Variants in TBC1D15 observed in about 807,000 individuals in gnomAD.
The protein encoded by TBC1D15 is TBC1 domain family member 15, also known as GAP for RAB7.
A neutral mutation model predicts 95.4 loss-of-function variants in TBC1D15; 39 were observed. That is an observed-to-expected ratio of 0.41 (90% CI 0.32 to 0.53). The LOEUF is 0.53. TBC1D15 is among the 20% of genes least tolerant of loss of function. The probability of loss-of-function intolerance (pLI) is 0.29; values close to 1 mark genes in which losing one functional copy is unlikely to be tolerated. For synonymous variants in TBC1D15, 258 were observed against 261.3 expected (o/e 0.99, Z 0.12); for missense variants, 733 against 794.3 (o/e 0.92, Z 0.93).
At chr12:71,862,312 G>A (rs1890558449) in intron 1 of TBC1D15, among the ~76,000 whole-genome samples, 3 of 152,092 alleles carry the variant, frequency 2.0e-5, no homozygotes, top group Non-Finnish European at 1.5e-5. Context: ...TTGGAGTATA[G>A]CTATCCCTTT....
chr12:71,900,612 A>G (rs1899170344), intron 10 of TBC1D15, among the ~76,000 whole-genome samples: 1 of 152,168 alleles, frequency 6.6e-6, no homozygotes. Flanking sequence ...ATTATGTACT[A>G]GGCTCTCCTC....
intron 10 of TBC1D15, among the ~76,000 whole-genome samples, chr12:71,898,445 T>G: frequency 6.6e-6 from 1 of 152,178 alleles, no homozygotes; most frequent in South Asian, 2.1e-4. Context: ...GATATAAAAT[T>G]TAGTATTTGA....
chr12:71,843,546 AT>A (rs1885593771), intron 1 of TBC1D15, among the ~76,000 whole-genome samples: 1 of 152,012 alleles, frequency 6.6e-6, no homozygotes, highest in Admixed American at 6.6e-5. Context: ...TTATTTTTAA[AT>A]TTTTCTGGCA....
intron 1 of TBC1D15, among the ~76,000 whole-genome samples, chr12:71,844,498 C>A (rs1885834825): frequency 6.6e-6 from 1 of 152,198 alleles, no homozygotes. Flanking sequence ...TTATTTAGAT[C>A]TCAGTTTATA....
chr12:71,854,715 C>A lies in TBC1D15; in HGVS notation c.30+14904C>A, dbSNP rs1043719722. ...TTTGTATTAAAGTGTCTTTTTTCTTCCTTCTCATTGATAGTCTGTATAATC... is the reference window on the plus strand; with the variant it reads ...TTTGTATTAAAGTGTCTTTTTTCTTACTTCTCATTGATAGTCTGTATAATC... On this transcript the variant is annotated intron_variant, in intron 1 of 16. Transcript: ENST00000485960. 13 of 453,582 alleles carry A rather than the reference C, an allele frequency of 2.9e-5. No individual in the cohort carries two copies. The Admixed American group carries it at 3.1e-4, about 11-fold the overall frequency. The allele number at this position is 453,582 out of a possible 1,614,324, so 28.1% of individuals were successfully genotyped here.
chr12:71,886,434 T>C lies in TBC1D15; in HGVS notation c.554+1413T>C, dbSNP rs571147000. Among the ~76,000 whole-genome samples, 39 of 152,356 alleles carry C rather than the reference T, an allele frequency of 2.6e-4. 1 individual carries two copies. In the Middle Eastern group the frequency reaches 0.017, roughly 66 times the overall value. The stretch of plus-strand genomic sequence containing the variant: ...ATCTGCCTGCCTCGGCCTCCCGAAG[T>C]GCTAGGATTACAGGCTTGAGCCACT... On this transcript the variant is annotated intron_variant, in intron 5 of 16. Coordinates refer to ENST00000485960, the MANE Select transcript of TBC1D15 (RefSeq NM_001146213.3).
At chr12:71,884,364 G>A (rs1187197280) in intron 4 of TBC1D15, among the ~76,000 whole-genome samples, 3 of 152,130 alleles carry the variant, frequency 2.0e-5, no homozygotes, top group Non-Finnish European at 4.4e-5. Flanking sequence ...GCACTAGTTA[G>A]TTGAAAAGTA....
At chr12:71,917,822 A>G (rs1566079008) in intron 13 of TBC1D15, 25 bp downstream of exon 13, 3 of 1,478,396 alleles carry the variant, frequency 2.0e-6, no homozygotes, top group Non-Finnish European at 2.8e-6. Context: ...TCAGAACTAT[A>G]CCCAGCAAAT....
intron 10 of TBC1D15, among the ~76,000 whole-genome samples, chr12:71,905,321 CAGTTTGACTTTTTTTTCTTTTTG>C (rs1900422040): frequency 6.6e-6 from 1 of 151,998 alleles, no homozygotes; most frequent in Non-Finnish European, 1.5e-5. Flanking sequence ...GAGACAGAAG[CAGTTTGACTTTTTTTTCTTTTTG>C]AGTCGGGGTC....
rs763643670 is a variant in TBC1D15, at chr12:71,896,047, A to T, written c.956A>T (p.Asp319Val). The change falls in exon 8 of 17, where the codon GAT becomes GTT. Residue 319 changes from aspartate to valine, a missense_variant. Coordinates refer to ENST00000485960, the MANE Select transcript of TBC1D15 (RefSeq NM_001146213.3). ...TCTGAAGGAAGAATTTTAAATGTAG[A>T]TAATATGAAGCAGATGATATTTAGA... ...IDSEGRILNV[D>V]NMKQMIFRGG... 3 of 1,611,460 alleles carry T rather than the reference A, an allele frequency of 1.9e-6. No homozygotes were observed. In the Admixed American group the frequency reaches 5.0e-5, roughly 27 times the overall value.
intron 6 of TBC1D15, among the ~76,000 whole-genome samples, chr12:71,893,852 C>CATTT (rs989893761): frequency 6.6e-6 from 1 of 151,558 alleles, no homozygotes; most frequent in African/African-American, 2.4e-5. Context: ...ATGGTTTATT[C>CATTT]ATTTATTTAT....
At chr12:71,895,871 A>T in intron 7 of TBC1D15, 76 bp from the exon 8 acceptor site, 1 of 1,397,258 alleles carries the variant, frequency 7.2e-7, no homozygotes, top group Non-Finnish European at 9.7e-7. Context: ...ACAGTATTTT[A>T]AATTTAGTTT....
At position 71,923,607 on chromosome 12, in the gene TBC1D15, T is replaced by A. The variant is rs12305197; in HGVS notation, c.*403T>A. ...ATAGCATTCTAAGCTGAGAAGTAGA[T>A]TGTTACCCAGTAATGAAATAAAAAA... On this transcript the variant is annotated 3_prime_UTR_variant, in exon 17 of 17. Transcript: ENST00000485960. 7.5e-4 allele frequency: 121 copies of A among 161,680 alleles called. No homozygotes were observed. The highest frequency in any genetic ancestry group is 2.8e-3 in the African/African-American group (116 of 41,702). The allele number at this position is 161,680 out of a possible 1,614,324, so 10.0% of individuals were successfully genotyped here. A position where few individuals can be genotyped will look rare whatever the true frequency, so the allele number is the denominator to read the frequency against.
At chr12:71,912,270 T>G (rs1305685648) in intron 11 of TBC1D15, among the ~76,000 whole-genome samples, 2 of 152,144 alleles carry the variant, frequency 1.3e-5, no homozygotes, top group Non-Finnish European at 2.9e-5. Flanking sequence ...GTATGTCACT[T>G]TTGTCTAGCT....
At chr12:71,886,260 G>A (rs531159118) in intron 5 of TBC1D15, among the ~76,000 whole-genome samples, 34 of 152,002 alleles carry the variant, frequency 2.2e-4, no homozygotes, top group South Asian at 2.1e-4. Context: ...CCTCTGCCTC[G>A]TGGGTTCAGA....
At chr12:71,900,710 CAAGTT>C (rs758203566) in intron 10 of TBC1D15, among the ~76,000 whole-genome samples, 3 of 152,064 alleles carry the variant, frequency 2.0e-5, no homozygotes, top group South Asian at 2.1e-4. Context: ...AGACAGTAAA[CAAGTT>C]AAGTAAGTAA....
intron 14 of TBC1D15, among the ~76,000 whole-genome samples, chr12:71,918,858 C>G (rs1868290962): frequency 6.6e-6 from 1 of 152,170 alleles, no homozygotes. Context: ...GAGGCTTTGC[C>G]ACATCTGTTA....
In TBC1D15 at chr12:71,920,757, A is replaced by G. The variant is rs1868978418; in HGVS notation, c.1626A>G (p.Thr542=). 1 of 1,612,876 alleles carries G rather than the reference A, an allele frequency of 6.2e-7. No homozygotes were observed. Among genetic ancestry groups the G allele is most frequent in the Non-Finnish European group, 8.5e-7 (1 of 1,179,502 alleles). The change falls in exon 15 of 17, where the codon ACA becomes ACG. Residue 542 remains threonine (T), a synonymous_variant. Transcript: ENST00000485960. The part of the protein sequence containing the change: ...WEVMWTELPC[T]NFHLLLCCAI... Reference sequence around the variant, plus strand: ...TAATGTGGACCGAACTACCATGTACAAATTTCCATCTTCTTCTCTGTTGTG... The same window carrying G: ...TAATGTGGACCGAACTACCATGTACGAATTTCCATCTTCTTCTCTGTTGTG...
intron 5 of TBC1D15, among the ~76,000 whole-genome samples, chr12:71,890,957 T>C (rs889674188): frequency 2.0e-5 from 3 of 152,196 alleles, no homozygotes; most frequent in Non-Finnish European, 1.5e-5. Context: ...GGGCCATTTT[T>C]ACATTGATAT....
Sources: allele counts gnomAD v4.1 joint callset (sites outside exome capture counted in the v4.1 genomes callset), GRCh38; gene constraint gnomAD v4.1.1; transcripts MANE v1.5; gene names NCBI Gene and HGNC (gene_info 2026-07-23, HGNC 2026-07-21).